The following MTERF4 variants were observed in gnomAD, a reference collection of about 807,000 sequenced individuals.
MTERF4 encodes transcription termination factor 4, mitochondrial.
A neutral mutation model predicts 22.5 loss-of-function variants in MTERF4; 17 were observed. The ratio of observed to expected loss-of-function variants is 0.75; its 90% CI spans 0.52 to 1.13. The LOEUF (loss-of-function observed/expected upper bound fraction) is 1.13. Among genes scored for constraint, MTERF4 ranks in the 50% most tolerant of loss-of-function variants. MTERF4 has a pLI of 0.00. For synonymous variants in MTERF4, 165 were observed against 175.3 expected (o/e 0.94, Z 0.47); for missense variants, 420 against 466.8 (o/e 0.90, Z 0.92).
downstream of MTERF4, chr2:241,082,154 A>G: frequency 1.4e-6 from 1 of 729,428 alleles, no homozygotes; most frequent in East Asian, 2.5e-5. Context: ...CTCTCCCACC[A>G]TCCCGCCTTG....
chr2:241,053,303 G>T, the MTERF4 span: 1 of 1,590,524 alleles, frequency 6.3e-7, no homozygotes. Context: ...CACGGTGTCT[G>T]GAGTGAGCCT....
At chr2:241,062,840 G>A in the MTERF4 span, 1 of 1,611,988 alleles carries the variant, frequency 6.2e-7, no homozygotes, top group Non-Finnish European at 8.5e-7. Flanking sequence ...GCTCTTGTCA[G>A]GACCGCGTTG....
At chr2:241,053,111 G>A in the MTERF4 span, 2 of 1,573,748 alleles carry the variant, frequency 1.3e-6, no homozygotes, top group South Asian at 1.1e-5. Flanking sequence ...GAGGGGCCAG[G>A]AAGGCACAGG....
downstream of MTERF4, among the ~76,000 whole-genome samples, chr2:241,090,967 C>T (rs2063934339): frequency 1.3e-5 from 2 of 152,048 alleles, no homozygotes; most frequent in South Asian, 2.1e-4. Context: ...GGTCCTTCAT[C>T]GTGCAGTGCC....
At chr2:241,071,742 C>A, downstream of MTERF4, 1 of 1,536,710 alleles carries the variant, frequency 6.5e-7, no homozygotes, top group Non-Finnish European at 8.8e-7. Context: ...ACCCATCGGC[C>A]CCATCGCCCG....
chr2:241,101,035 T>G (rs1260901069), intron 1 of MTERF4: 4 of 407,284 alleles, frequency 9.8e-6, no homozygotes, highest in African/African-American at 4.1e-5. Context: ...GGGACTGGCT[T>G]CATGGAAGAC....
chr2:241,060,236 G>A, the MTERF4 span, among the ~76,000 whole-genome samples: 1 of 150,748 alleles, frequency 6.6e-6, no homozygotes, highest in African/African-American at 2.5e-5. Context: ...AGGCTGGAGT[G>A]CAGTGGCACA....
chr2:241,049,105 G>A, the MTERF4 span: 2 of 1,611,710 alleles, frequency 1.2e-6, no homozygotes, highest in East Asian at 2.2e-5. Context: ...CTACCTCTGC[G>A]TCTGCCACAC....
chr2:241,062,855 G>T, the MTERF4 span: 3 of 1,611,198 alleles, frequency 1.9e-6, no homozygotes, highest in African/African-American at 2.7e-5. Flanking sequence ...GCGTTGCTGG[G>T]TACCTGTGCC....
chr2:241,087,816 CT>C, downstream of MTERF4: 1 of 688,186 alleles, frequency 1.5e-6, no homozygotes, highest in Non-Finnish European at 2.1e-6. Flanking sequence ...TCGCTCTTTA[CT>C]TTTTATTCAC....
Position 241,097,423 on chromosome 2 carries a change from T to C in MTERF4, c.525A>G (p.Lys175=). 1 of 1,612,768 alleles carries C rather than the reference T, an allele frequency of 6.2e-7. No homozygotes were observed. Among genetic ancestry groups the C allele is most frequent in the South Asian group, 1.1e-5 (1 of 90,952 alleles). ...GGCAACAGTAAAGCACCCTCTTTAA[T>C]TTCCCTGCAGAACATTCAAAAAAGG... ...YLQKLGLGEG[K]LKRVLYCCPE... The change falls in exon 3 of 4, where the codon AAA becomes AAG. Residue 175 remains lysine, a synonymous_variant. Transcript: ENST00000391980.
chr2:241,080,284 AAAAT>A (rs745683324), intron 4 of MTERF4, among the ~76,000 whole-genome samples: 42 of 152,094 alleles, frequency 2.8e-4, no homozygotes, highest in Admixed American at 2.7e-3. Context: ...ACTCCATCTC[AAAAT>A]AAATAAATAA....
At chr2:241,068,671 G>A (rs2062570466), downstream of MTERF4, among the ~76,000 whole-genome samples, 1 of 151,988 alleles carries the variant, frequency 6.6e-6, no homozygotes, top group African/African-American at 2.4e-5. This position sits in a 1 kb window ranked among gnomAD's most constrained non-coding sequence, Gnocchi z 5.3. Context: ...TGACCATACT[G>A]TAGCAGCCCC....
downstream of MTERF4, among the ~76,000 whole-genome samples, chr2:241,086,212 C>T (rs1309615313): frequency 2.6e-5 from 4 of 152,204 alleles, no homozygotes; most frequent in Admixed American, 2.6e-4. Context: ...GATCTCTCTA[C>T]TCTGGCTCTG....
chr2:241,087,628 T>C (rs1349256580), downstream of MTERF4: 4 of 1,438,228 alleles, frequency 2.8e-6, no homozygotes, highest in African/African-American at 2.9e-5. Context: ...CACGTTCTGC[T>C]ACGAAACTGT....
At chr2:241,064,073 G>A in the MTERF4 span, 1 of 1,570,056 alleles carries the variant, frequency 6.4e-7, no homozygotes, top group East Asian at 2.4e-5. The surrounding 1 kb of genome is among the most constrained non-coding windows in gnomAD (Gnocchi z 7.0). Flanking sequence ...GCGGCGGCGG[G>A]GCCTACCTGT....
At chr2:241,046,873 G>A in the MTERF4 span, among the ~76,000 whole-genome samples, 1 of 152,142 alleles carries the variant, frequency 6.6e-6, no homozygotes, top group Admixed American at 6.5e-5. Context: ...TAGCTGGCGT[G>A]GTGGCTCACC....
the MTERF4 span, among the ~76,000 whole-genome samples, chr2:241,047,146 CAAAAAAAAA>C: frequency 4.4e-5 from 3 of 68,178 alleles, no homozygotes; most frequent in South Asian, 4.7e-4. Flanking sequence ...GAGACTCTGT[CAAAAAAAAA>C]AAAAAAAAAA....
chr2:241,061,281 A>G, the MTERF4 span, among the ~76,000 whole-genome samples: 4,026 of 152,360 alleles, frequency 0.026, 351 homozygotes, highest in East Asian at 0.21. Flanking sequence ...ATTCTATTTC[A>G]TTAGTAATCA....
Sources: allele counts gnomAD v4.1 joint callset (sites outside exome capture counted in the v4.1 genomes callset), GRCh38; gene constraint gnomAD v4.1.1; non-coding constraint Gnocchi (gnomAD v3.1); transcripts MANE v1.5; gene names NCBI Gene and HGNC (gene_info 2026-07-23, HGNC 2026-07-21).